RPGRIP1L: variants seen among roughly 807,000 people sequenced by gnomAD.
RPGRIP1L encodes RPGRIP1 like.
In RPGRIP1L, 131 loss-of-function variants were observed where a neutral mutation model predicts 160.4. That is an observed-to-expected ratio of 0.82 (90% CI 0.71 to 0.94). The LOEUF is 0.94. Among genes scored for constraint, RPGRIP1L ranks in the 40% least tolerant of loss-of-function variants. The pLI is 0.00. For synonymous variants in RPGRIP1L, 510 were observed against 515.8 expected (o/e 0.99, Z 0.15); for missense variants, 1,522 against 1,535.8 (o/e 0.99, Z 0.15).
chr16:53,662,992 T>G (rs1967933823), intron 10 of RPGRIP1L, among the ~76,000 whole-genome samples: 1 of 152,008 alleles, frequency 6.6e-6, no homozygotes, highest in South Asian at 2.1e-4. Flanking sequence ...GATGTAGATT[T>G]ATATTAAGGA....
Position 53,619,036 on chromosome 16 carries a change from T to C in RPGRIP1L, c.3605A>G (p.Asn1202Ser). 1.9e-6 allele frequency: 3 copies of C among 1,612,516 alleles called. No individual in the cohort carries two copies. The highest frequency in any genetic ancestry group is 4.5e-5 in the East Asian group (2 of 44,866). The change falls in exon 24 of 27, where the codon AAC becomes AGC. Residue 1202 changes from asparagine to serine, a missense_variant. By Grantham distance (46) the Asn-to-Ser change is conservative (BLOSUM62 1). Coordinates refer to ENST00000647211, the MANE Select transcript of RPGRIP1L (RefSeq NM_015272.5). ...TGAATCATACATACCATTGCTATAG[T>C]TATAGTAGACCCACTGCCCACTCTT... ...KPKSGQWVYY[N>S]YSNVIYVDKE...
Position 53,698,030 on chromosome 16 carries a change from G to A in RPGRIP1L, c.86-1735C>T, listed in dbSNP as rs191527379. 5.1e-3 allele frequency among the ~76,000 whole-genome samples: 779 copies of A among 151,914 alleles called. 8 individuals carry two copies. Among genetic ancestry groups the A allele is most frequent in the African/African-American group, 0.018 (740 of 41,428 alleles). On this transcript the variant is annotated intron_variant, in intron 2 of 26. Transcript: ENST00000647211. ...TGCCCTGCCGCCCCGTCTGGGATGT[G>A]AGGAGTGCCTCTGCCCGGCCGCAAC... is the stretch of plus-strand genomic sequence containing the variant.
chr16:53,687,221 G>A (rs1389956448), intron 5 of RPGRIP1L, among the ~76,000 whole-genome samples: 6 of 152,076 alleles, frequency 3.9e-5, no homozygotes, highest in Admixed American at 6.6e-5. Context: ...GATACTGTGC[G>A]CCATGTTTTC....
intron 6 of RPGRIP1L, among the ~76,000 whole-genome samples, chr16:53,678,144 T>G (rs1777675977): frequency 2.0e-5 from 3 of 149,232 alleles, no homozygotes; most frequent in Non-Finnish European, 4.5e-5. Context: ...TTCCTTTTTT[T>G]TTTTAAAAAA....
chr16:53,698,351 C>T (rs1179689688), intron 2 of RPGRIP1L, among the ~76,000 whole-genome samples: 6 of 143,460 alleles, frequency 4.2e-5, no homozygotes, highest in African/African-American at 8.1e-5. Context: ...CCAGCCACCC[C>T]GTCCGGGAGG....
intron 26 of RPGRIP1L, among the ~76,000 whole-genome samples, chr16:53,602,391 A>G (rs763478112): frequency 1.3e-5 from 2 of 152,170 alleles, no homozygotes; most frequent in Non-Finnish European, 2.9e-5. Context: ...GGACCTGTAC[A>G]TATTGTTTGT....
At chr16:53,635,412 G>C (rs1034733591) in intron 22 of RPGRIP1L, 1 of 152,100 alleles carries the variant, frequency 6.6e-6, no homozygotes, top group Non-Finnish European at 1.5e-5. Flanking sequence ...CTATTTCATG[G>C]AGGAATCTGT....
chr16:53,658,871 A>G lies in RPGRIP1L; in HGVS notation c.1251T>C (p.Asn417=), dbSNP rs2151165227. Residue 417 remains asparagine (N), a synonymous_variant, in exon 11 of 27, where the codon AAT becomes AAC. Coordinates refer to ENST00000647211, the MANE Select transcript of RPGRIP1L (RefSeq NM_015272.5). ...LDRLKTERDQ[N]EKLVQENREL... The stretch of plus-strand genomic sequence containing the variant: ...CTCTATTCTCTTGAACGAGTTTTTC[A>G]TTTTGATCTTAAAAATAAAGTCCAC... 4 of 1,586,218 alleles carry G rather than the reference A, an allele frequency of 2.5e-6. No homozygotes were observed. Among genetic ancestry groups the G allele is most frequent in the Non-Finnish European group, 3.5e-6 (4 of 1,158,734 alleles).
At chr16:53,647,518 A>T (rs12051119) in intron 16 of RPGRIP1L, among the ~76,000 whole-genome samples, 4,799 of 152,238 alleles carry the variant, frequency 0.032, 161 homozygotes, top group East Asian at 0.14. Context: ...TTACGTGTCC[A>T]GATATGTCTT....
intron 4 of RPGRIP1L, among the ~76,000 whole-genome samples, chr16:53,691,566 A>G (rs1006771617): frequency 6.6e-6 from 1 of 152,240 alleles, no homozygotes; most frequent in Non-Finnish European, 1.5e-5. Context: ...GTCTAAGGTC[A>G]CCAGCCAGTA....
intron 22 of RPGRIP1L, among the ~76,000 whole-genome samples, chr16:53,626,808 A>AC (rs1965214853): frequency 6.9e-6 from 1 of 144,802 alleles, no homozygotes; most frequent in African/African-American, 2.6e-5. Context: ...CTGTCTCTCA[A>AC]AAAAAAAAAA....
chr16:53,671,514 C>A lies in RPGRIP1L; in HGVS notation c.1099G>T (p.Asp367Tyr). 1 of 1,567,832 alleles carries A rather than the reference C, an allele frequency of 6.4e-7. No homozygotes were observed. The highest frequency in any genetic ancestry group is 1.1e-5 in the South Asian group (1 of 89,852). ...LLKENYDKLY[D>Y]SAFSAAHEEQ... ...ACACATGGAATCACGATTTACCTGT[C>A]ATAAAGTTTATCATAGTTTTCCTTT... The change falls in exon 9 of 27, where the codon GAC becomes TAC. Residue 367 changes from aspartate (D) to tyrosine (Y), a missense_variant. Asp to Tyr is a radical substitution (Grantham distance 160). Coordinates refer to ENST00000647211, the MANE Select transcript of RPGRIP1L (RefSeq NM_015272.5).
chr16:53,614,358 G>A (rs748226043), intron 24 of RPGRIP1L, among the ~76,000 whole-genome samples: 1 of 152,130 alleles, frequency 6.6e-6, no homozygotes, highest in Non-Finnish European at 1.5e-5. Flanking sequence ...CCCCTTAAAA[G>A]GCTTGTTAAA....
chr16:53,687,778 T>C (rs755135742), intron 5 of RPGRIP1L, 85 bp downstream of exon 5: 6 of 839,594 alleles, frequency 7.1e-6, no homozygotes, highest in South Asian at 1.4e-5. Flanking sequence ...ACTGTTTACA[T>C]ATAAATAAAG....
At chr16:53,672,609 A>C (rs566395484) in intron 8 of RPGRIP1L, among the ~76,000 whole-genome samples, 1 of 152,300 alleles carries the variant, frequency 6.6e-6, no homozygotes, top group African/African-American at 2.4e-5. Context: ...ATCTGGCATC[A>C]GTTTCAAAAT....
chr16:53,703,373 G>A (rs1273615565), intron 1 of RPGRIP1L: 2 of 152,214 alleles, frequency 1.3e-5, no homozygotes, highest in Non-Finnish European at 2.9e-5. Context: ...TATGAAGCTA[G>A]CAAGTTATGG....
intron 22 of RPGRIP1L, among the ~76,000 whole-genome samples, chr16:53,626,966 T>A (rs558247360): frequency 6.6e-6 from 1 of 152,176 alleles, no homozygotes; most frequent in Non-Finnish European, 1.5e-5. Flanking sequence ...TCTAAAAAAA[T>A]AAATTATAGC....
intron 7 of RPGRIP1L, among the ~76,000 whole-genome samples, chr16:53,674,632 C>A (rs879592010): frequency 3.9e-5 from 6 of 151,952 alleles, no homozygotes; most frequent in Admixed American, 3.9e-4. Context: ...TGGTCTATTG[C>A]CAATAATTTT....
intron 24 of RPGRIP1L, among the ~76,000 whole-genome samples, chr16:53,614,941 C>G (rs1447981877): frequency 6.6e-6 from 1 of 152,186 alleles, no homozygotes; most frequent in African/African-American, 2.4e-5. Context: ...CTGGATAAAT[C>G]CTTATATTCT....
Sources: gnomAD v4.1 joint callset for allele counts (sites outside exome capture counted in the v4.1 genomes callset) on GRCh38, gnomAD v4.1.1 for gene constraint, MANE v1.5 for transcripts, NCBI Gene and HGNC (gene_info 2026-07-23, HGNC 2026-07-21) for gene names.